Variants in ATP8A2 observed in about 807,000 individuals in gnomAD.
ATP8A2 encodes ATPase phospholipid transporting 8A2.
Under a neutral mutation model 165.6 loss-of-function variants are expected in ATP8A2, and 100 were observed. The observed-to-expected ratio is 0.60, with a 90% CI of 0.51 to 0.71. The LOEUF (loss-of-function observed/expected upper bound fraction) is 0.71. Ranked by LOEUF, ATP8A2 falls within the 30% of genes least tolerant of loss-of-function variation. The pLI, the probability that ATP8A2 is intolerant of heterozygous loss-of-function variation, is 0.00. For synonymous variants in ATP8A2, 543 were observed against 548.8 expected (o/e 0.99, Z 0.15); for missense variants, 1,227 against 1,479.5 (o/e 0.83, Z 2.80).
intron 27 of ATP8A2, among the ~76,000 whole-genome samples, chr13:25,821,264 CT>C (rs1222195996): frequency 2.6e-4 from 40 of 152,266 alleles, no homozygotes; most frequent in African/African-American, 9.1e-4. Flanking sequence ...TTTTACATGA[CT>C]CAGTATTGCT....
intron 17 of ATP8A2, among the ~76,000 whole-genome samples, chr13:25,571,085 A>G (rs1470361311): frequency 1.3e-5 from 2 of 152,128 alleles, no homozygotes; most frequent in Non-Finnish European, 2.9e-5. Flanking sequence ...TTAACAGCAA[A>G]GGGAGGACCC....
At chr13:25,740,308 CAA>C (rs1229327243) in intron 25 of ATP8A2, among the ~76,000 whole-genome samples, 27 of 67,500 alleles carry the variant, frequency 4.0e-4, no homozygotes, top group Admixed American at 1.0e-3. Flanking sequence ...GGCTCTATCT[CAA>C]AAAAAAAAAA....
At chr13:25,753,657 G>A (rs1382942379) in intron 25 of ATP8A2, among the ~76,000 whole-genome samples, 2 of 152,162 alleles carry the variant, frequency 1.3e-5, no homozygotes, top group Non-Finnish European at 2.9e-5. Flanking sequence ...TTAGCTCAAT[G>A]ATGTCCTTTC....
chr13:25,977,720 ATT>A (rs1956088234), intron 35 of ATP8A2, among the ~76,000 whole-genome samples: 3 of 152,240 alleles, frequency 2.0e-5, no homozygotes, highest in South Asian at 4.1e-4. Flanking sequence ...GTCATTTATT[ATT>A]AAGCATCTTG....
chr13:25,547,387 G>A (rs1028994895), intron 10 of ATP8A2, among the ~76,000 whole-genome samples: 4 of 151,802 alleles, frequency 2.6e-5, no homozygotes, highest in Non-Finnish European at 5.9e-5. Context: ...GTCAATCAGC[G>A]GTGGCATTAG....
rs571811710 is a variant in ATP8A2, at chr13:25,491,993, A to T, written c.221+22872A>T. ...ACCATTGAATAAATACTTGTGCTTT[A>T]TTCTCTTTTTTTTGGACGATAAAAA... On this transcript the variant is annotated intron_variant, in intron 2 of 36. Coordinates refer to ENST00000381655, the MANE Select transcript of ATP8A2 (RefSeq NM_016529.6). Among the ~76,000 whole-genome samples the T allele has an allele frequency of 5.0e-3, 759 of 152,310 alleles. 5 individuals are homozygous for T. The highest frequency in any genetic ancestry group is 0.018 in the African/African-American group (736 of 41,572).
chr13:25,639,880 G>A (rs1044229303), intron 24 of ATP8A2, among the ~76,000 whole-genome samples: 11 of 152,082 alleles, frequency 7.2e-5, no homozygotes, highest in African/African-American at 2.7e-4. Flanking sequence ...AAATGTAAAA[G>A]AACAGAAATT....
At chr13:25,469,340 C>T (rs1181994978) in intron 2 of ATP8A2, among the ~76,000 whole-genome samples, 1 of 152,158 alleles carries the variant, frequency 6.6e-6, no homozygotes, top group East Asian at 1.9e-4. Context: ...CCTGCGCATC[C>T]GTTCTGCGCC....
intron 32 of ATP8A2, among the ~76,000 whole-genome samples, chr13:25,861,841 A>T (rs1003010083): frequency 1.4e-4 from 22 of 152,378 alleles, no homozygotes; most frequent in African/African-American, 4.3e-4. Flanking sequence ...AAGAGGCAAT[A>T]TCCATTTCAG....
intron 16 of ATP8A2, among the ~76,000 whole-genome samples, chr13:25,570,294 C>T (rs2039428118): frequency 6.6e-6 from 1 of 152,084 alleles, no homozygotes; most frequent in South Asian, 2.1e-4. Flanking sequence ...GGAGGCAGAA[C>T]ACACGCTTCC....
intron 33 of ATP8A2, among the ~76,000 whole-genome samples, chr13:25,880,016 A>T (rs1038924912): frequency 1.8e-4 from 28 of 152,188 alleles, no homozygotes; most frequent in African/African-American, 6.8e-4. Flanking sequence ...GATACACTTT[A>T]AAAAGGTAGG....
chr13:25,478,965 A>G (rs2036077180), intron 2 of ATP8A2, among the ~76,000 whole-genome samples: 1 of 151,932 alleles, frequency 6.6e-6, no homozygotes, highest in Non-Finnish European at 1.5e-5. Context: ...CCCCTGCCTC[A>G]GCCTCCCAAG....
chr13:25,559,693 A>C (rs1380430162), intron 14 of ATP8A2, 28 bp from the exon 15 acceptor site: 1 of 1,597,342 alleles, frequency 6.3e-7, no homozygotes, highest in East Asian at 2.2e-5. Flanking sequence ...CAGTTTTGTG[A>C]CCACTCTGTT....
chr13:25,736,471 G>A (rs868531088), intron 25 of ATP8A2, among the ~76,000 whole-genome samples: 2 of 152,192 alleles, frequency 1.3e-5, no homozygotes, highest in Non-Finnish European at 1.5e-5. Context: ...ACTGTCAGAC[G>A]TTTCAGAGGG....
intron 33 of ATP8A2, among the ~76,000 whole-genome samples, chr13:25,909,500 G>A (rs941025999): frequency 1.3e-5 from 2 of 151,970 alleles, no homozygotes; most frequent in South Asian, 2.1e-4. Context: ...TTAATTTTTC[G>A]TATTATTATG....
intron 25 of ATP8A2, among the ~76,000 whole-genome samples, chr13:25,745,392 C>T (rs972821482): frequency 3.9e-4 from 59 of 152,202 alleles, no homozygotes; most frequent in African/African-American, 7.2e-5. Context: ...AAGTGGCGTG[C>T]TCAGTGACAG....
chr13:25,802,087 A>G (rs1333821875), intron 27 of ATP8A2, among the ~76,000 whole-genome samples: 1 of 152,220 alleles, frequency 6.6e-6, no homozygotes, highest in East Asian at 1.9e-4. Flanking sequence ...ACACAGCCAA[A>G]CCATATCACA....
intron 1 of ATP8A2, among the ~76,000 whole-genome samples, chr13:25,443,617 C>G (rs1412854896): frequency 6.6e-6 from 1 of 152,240 alleles, no homozygotes; most frequent in Non-Finnish European, 1.5e-5. Context: ...CAGCCATTTA[C>G]ATGGGCAATG....
At chr13:25,940,263 T>C (rs558348307) in intron 33 of ATP8A2, among the ~76,000 whole-genome samples, 1 of 152,248 alleles carries the variant, frequency 6.6e-6, no homozygotes, top group South Asian at 2.1e-4. Flanking sequence ...CTCGCCACCC[T>C]GGAAGCCTCT....
Sources: gnomAD v4.1 joint callset for allele counts (sites outside exome capture counted in the v4.1 genomes callset) on GRCh38, gnomAD v4.1.1 for gene constraint, MANE v1.5 for transcripts, NCBI Gene and HGNC (gene_info 2026-07-23, HGNC 2026-07-21) for gene names.